Variants in GPM6A observed in about 807,000 individuals in gnomAD.
GPM6A encodes neuronal membrane glycoprotein M6-a.
GPM6A carries 7 observed loss-of-function variants against 32.1 expected under a neutral mutation model. That is an observed-to-expected ratio of 0.22 (90% confidence interval 0.12 to 0.41). The LOEUF (loss-of-function observed/expected upper bound fraction) is 0.41, where lower values mean the gene tolerates loss of function less well. Ranked by LOEUF, GPM6A falls within the 10% of genes least tolerant of loss-of-function variation. The pLI is 1.00. For missense variants in GPM6A, 235 were observed against 347.2 expected (o/e 0.68, Z 2.57); for synonymous variants, 130 against 123.4 (o/e 1.05, Z -0.35).
At chr4:175,892,503 T>G (rs1398135092) in intron 1 of GPM6A, among the ~76,000 whole-genome samples, 1 of 152,200 alleles carries the variant, frequency 6.6e-6, no homozygotes, top group African/African-American at 2.4e-5. Flanking sequence ...TTGCACTCTA[T>G]TTTTACTTCT....
intron 1 of GPM6A, among the ~76,000 whole-genome samples, chr4:175,870,184 T>A (rs1449213742): frequency 2.0e-5 from 3 of 152,242 alleles, no homozygotes; most frequent in African/African-American, 7.2e-5. Context: ...ATTAGTTTCC[T>A]TGAGCCAGAA....
chr4:175,732,988 T>C (rs1731497589), intron 1 of GPM6A, among the ~76,000 whole-genome samples: 1 of 152,158 alleles, frequency 6.6e-6, no homozygotes, highest in Non-Finnish European at 1.5e-5. Context: ...AGTTAAGCTA[T>C]AAGCCACAAC....
chr4:175,688,965 G>C (rs1744142431), intron 2 of GPM6A, among the ~76,000 whole-genome samples: 1 of 152,118 alleles, frequency 6.6e-6, no homozygotes, highest in South Asian at 2.1e-4. Flanking sequence ...AGATCCTCCA[G>C]TCTCAGCCTC....
intron 1 of GPM6A, among the ~76,000 whole-genome samples, chr4:175,868,508 T>A (rs1021276541): frequency 1.3e-5 from 2 of 152,214 alleles, no homozygotes; most frequent in Non-Finnish European, 2.9e-5. Context: ...CCGACACATT[T>A]TGACAAATGT....
chr4:175,716,148 A>G (rs76310596), intron 1 of GPM6A, among the ~76,000 whole-genome samples: 7,682 of 152,300 alleles, frequency 0.05, 386 homozygotes, highest in East Asian at 0.28. Context: ...TGCTCAGTTA[A>G]TATTTGTTGA....
At chr4:175,812,604 T>C (rs966660182), upstream of GPM6A, 2 of 1,003,698 alleles carry the variant, frequency 2.0e-6, no homozygotes, top group African/African-American at 3.4e-5. Context: ...AAGTCTTGCT[T>C]TGCATTTAAA....
At chr4:175,669,511 G>A (rs1285785912) in intron 3 of GPM6A, among the ~76,000 whole-genome samples, 5 of 152,116 alleles carry the variant, frequency 3.3e-5, no homozygotes, top group Non-Finnish European at 7.4e-5. Context: ...TGAGCATCAC[G>A]TTGACGCTCA....
At chr4:175,717,196 G>A (rs1020991849) in intron 1 of GPM6A, among the ~76,000 whole-genome samples, 4 of 152,052 alleles carry the variant, frequency 2.6e-5, no homozygotes, top group Non-Finnish European at 5.9e-5. Flanking sequence ...CAGCCTTTAC[G>A]CTCTTCCTGT....
chr4:175,652,205 C>T (rs576358857), intron 3 of GPM6A, among the ~76,000 whole-genome samples: 2 of 152,218 alleles, frequency 1.3e-5, no homozygotes, highest in East Asian at 3.9e-4. Flanking sequence ...GGCAGAAGTT[C>T]TGATGTACAA....
chr4:175,735,680 C>T (rs1310268892), intron 1 of GPM6A, among the ~76,000 whole-genome samples: 1 of 152,042 alleles, frequency 6.6e-6, no homozygotes, highest in Non-Finnish European at 1.5e-5. Context: ...CGGCCTCAGC[C>T]TCCTGAGTAG....
At chr4:175,674,535 T>C (rs1205110062) in intron 2 of GPM6A, among the ~76,000 whole-genome samples, 2 of 152,158 alleles carry the variant, frequency 1.3e-5, no homozygotes, top group African/African-American at 4.8e-5. Flanking sequence ...AAATACCAAA[T>C]GCAAAGATTT....
chr4:175,680,549 T>C (rs929114567), intron 2 of GPM6A, among the ~76,000 whole-genome samples: 5 of 152,206 alleles, frequency 3.3e-5, no homozygotes, highest in African/African-American at 1.2e-4. Flanking sequence ...ATTGTGGCCA[T>C]GTTAATGCAA....
intron 1 of GPM6A, among the ~76,000 whole-genome samples, chr4:175,949,120 A>C (rs1299531606): frequency 2.5e-4 from 38 of 152,174 alleles, no homozygotes; most frequent in Admixed American, 2.3e-3. Context: ...AACATTCACA[A>C]AATATTTTTA....
chr4:175,953,916 T>C (rs1333672873), intron 1 of GPM6A, among the ~76,000 whole-genome samples: 3 of 151,978 alleles, frequency 2.0e-5, no homozygotes, highest in African/African-American at 7.2e-5. Context: ...TAAAATAAAA[T>C]AAAATAACTA....
intron 1 of GPM6A, among the ~76,000 whole-genome samples, chr4:175,765,372 G>A (rs1424823875): frequency 6.6e-6 from 1 of 152,140 alleles, no homozygotes; most frequent in Non-Finnish European, 1.5e-5. Flanking sequence ...AAACAGTGGA[G>A]GGAATCTCTT....
intron 2 of GPM6A, 51 bp from the exon 3 acceptor site, chr4:175,673,887 T>C: frequency 8.0e-7 from 1 of 1,250,700 alleles, no homozygotes; most frequent in Non-Finnish European, 1.1e-6. Flanking sequence ...ATTGCTGCTG[T>C]GCAGAAATTG....
In GPM6A at chr4:175,930,444, TG is replaced by T. The variant is rs1328826413; in HGVS notation, c.-23+71864del. On this transcript the variant is annotated intron_variant, in intron 1 of 7. Transcript: ENST00000280187. ...GTTTTTTGGGGGGGGGTTTTTTTGT[TG>T]TTGTTTTTTTTAAGTTTCAACATGA... 1.8e-3 allele frequency among the ~76,000 whole-genome samples: 273 copies of T among 149,162 alleles called. 3 individuals are homozygous for T. Among genetic ancestry groups the T allele is most frequent in the African/African-American group, 6.1e-3 (250 of 40,964 alleles).
intron 1 of GPM6A, among the ~76,000 whole-genome samples, chr4:176,001,222 G>T (rs1161833872): frequency 6.6e-6 from 1 of 152,142 alleles, no homozygotes; most frequent in Non-Finnish European, 1.5e-5. Context: ...TTTACTCTTG[G>T]AGAAATCCCT....
At chr4:175,796,630 C>A (rs981692101) in intron 1 of GPM6A, among the ~76,000 whole-genome samples, 16 of 152,136 alleles carry the variant, frequency 1.1e-4, no homozygotes, top group African/African-American at 2.9e-4. Context: ...AAAATACAAA[C>A]CACTCACCCT....
Sources: allele counts gnomAD v4.1 joint callset (sites outside exome capture counted in the v4.1 genomes callset), GRCh38; gene constraint gnomAD v4.1.1; transcripts MANE v1.5; gene names NCBI Gene and HGNC (gene_info 2026-07-23, HGNC 2026-07-21).